ZNF516: variants seen among roughly 807,000 people sequenced by gnomAD.
ZNF516 encodes the protein zinc finger protein 516.
ZNF516 carries 19 observed loss-of-function variants against 79.7 expected under a neutral mutation model. The observed-to-expected ratio is 0.24, with a 90% CI of 0.17 to 0.35. The LOEUF is 0.35. ZNF516 is among the 10% of genes least tolerant of loss of function. The pLI is 1.00. For missense variants in ZNF516, 1,678 were observed against 1,679.5 expected (o/e 1.00, Z 0.02); for synonymous variants, 877 against 739.5 (o/e 1.19, Z -3.02).
In ZNF516 at chr18:76,382,212, A is replaced by AT. The variant is rs1786013940; in HGVS notation, c.1811-1910dup. ...ATGAAGTCAGGTATATGAGTCTGTT[A>AT]TACGCACACAGTGGTATGAGAAAGG... On this transcript the variant is annotated intron_variant, in intron 3 of 6. Coordinates refer to ENST00000443185, the MANE Select transcript of ZNF516 (RefSeq NM_014643.4). Among the ~76,000 whole-genome samples the AT allele has an allele frequency of 2.0e-5, 3 of 152,346 alleles. No individual in the cohort carries two copies. In the South Asian group the frequency reaches 6.2e-4, roughly 32 times the overall value.
chr18:76,429,577 T>C (rs2075636645), intron 3 of ZNF516, among the ~76,000 whole-genome samples: 2 of 152,278 alleles, frequency 1.3e-5, no homozygotes, highest in Middle Eastern at 6.8e-3. Flanking sequence ...TGGGTGACCC[T>C]GGACACCCTG....
chr18:76,359,470 A>G lies in ZNF516; in HGVS notation c.*3028T>C, dbSNP rs2074500081. ...AATTTAAATATTCATTCTTCAAATT[A>G]AGGAATACAAGTGAACAACCTGAAA... is the stretch of plus-strand genomic sequence containing the variant. On this transcript the variant is annotated 3_prime_UTR_variant, in exon 7 of 7. Coordinates refer to ENST00000443185, the MANE Select transcript of ZNF516 (RefSeq NM_014643.4). 1 of 152,258 alleles carries G rather than the reference A, an allele frequency of 6.6e-6. No homozygotes were observed. Among genetic ancestry groups the G allele is most frequent in the East Asian group, 1.9e-4 (1 of 5,198 alleles). The allele number at this position is 152,258 out of a possible 1,614,324, so 9.4% of individuals were successfully genotyped here. A position where few individuals can be genotyped will look rare whatever the true frequency, so the allele number is the denominator to read the frequency against.
chr18:76,468,285 C>T (rs532635392), intron 1 of ZNF516, among the ~76,000 whole-genome samples: 6 of 152,218 alleles, frequency 3.9e-5, no homozygotes, highest in Non-Finnish European at 5.9e-5. Context: ...AACAATCACA[C>T]TCGCTCTCTG....
At chr18:76,431,456 CGA>C (rs2075659961) in intron 3 of ZNF516, among the ~76,000 whole-genome samples, 1 of 152,198 alleles carries the variant, frequency 6.6e-6, no homozygotes, top group Non-Finnish European at 1.5e-5. Flanking sequence ...CTGAAAGCAG[CGA>C]GAGAGGGGCT....
At chr18:76,384,184 C>T (rs962944255) in intron 3 of ZNF516, among the ~76,000 whole-genome samples, 17 of 152,092 alleles carry the variant, frequency 1.1e-4, no homozygotes, top group Non-Finnish European at 1.9e-4. Context: ...AGAAATTAAG[C>T]GCCACCACTG....
chr18:76,364,040 G>A (rs561329604), intron 6 of ZNF516, among the ~76,000 whole-genome samples: 2 of 152,300 alleles, frequency 1.3e-5, no homozygotes, highest in East Asian at 3.9e-4. Context: ...GGCATCAATG[G>A]ACTGTTCCAG....
intron 2 of ZNF516, among the ~76,000 whole-genome samples, chr18:76,444,193 T>C (rs1911903477): frequency 6.6e-6 from 1 of 152,190 alleles, no homozygotes. Context: ...TTAGAAAGGA[T>C]GTGAGAGATG....
intron 4 of ZNF516, among the ~76,000 whole-genome samples, chr18:76,378,584 G>A (rs1246862708): frequency 6.6e-6 from 1 of 152,222 alleles, no homozygotes; most frequent in Admixed American, 6.5e-5. Context: ...TGCAGGGCTT[G>A]CGACCTCCTC....
chr18:76,454,347 C>T (rs1912596223), intron 2 of ZNF516, among the ~76,000 whole-genome samples: 1 of 152,180 alleles, frequency 6.6e-6, no homozygotes, highest in Non-Finnish European at 1.5e-5. Flanking sequence ...AGCTGAAAGG[C>T]GTATTGTGCA....
chr18:76,413,610 T>C (rs190896172), intron 3 of ZNF516, among the ~76,000 whole-genome samples: 8 of 152,322 alleles, frequency 5.3e-5, no homozygotes, highest in African/African-American at 1.9e-4. Context: ...TCCCCTCGAA[T>C]ACCTCAGCAC....
rs557161568 is a variant in ZNF516, at chr18:76,461,904, G to C, written c.-158+1124C>G. 5.8e-4 allele frequency among the ~76,000 whole-genome samples: 88 copies of C among 152,344 alleles called. 1 individual carries two copies. The highest frequency in any genetic ancestry group is 2.0e-3 in the African/African-American group (84 of 41,580). ...TGGGCAGCCTCACCTGGATGGGAAG[G>C]GTGCGGCGTCCAGCCCTGCAGGCGT... is the stretch of plus-strand genomic sequence containing the variant. On this transcript the variant is annotated intron_variant, in intron 2 of 6. Coordinates refer to ENST00000443185, the MANE Select transcript of ZNF516 (RefSeq NM_014643.4).
chr18:76,397,462 C>G (rs1383240659), intron 3 of ZNF516, among the ~76,000 whole-genome samples: 1 of 151,010 alleles, frequency 6.6e-6, no homozygotes, highest in Non-Finnish European at 1.5e-5. Context: ...AATTATACCC[C>G]AAGATGTTTA....
chr18:76,458,668 CCGT>C (rs77025271), intron 2 of ZNF516, among the ~76,000 whole-genome samples: 9,204 of 146,728 alleles, frequency 0.063, 338 homozygotes, highest in East Asian at 0.1. Context: ...GCGTGCCTCA[CCGT>C]CGTGTGTGCG....
At position 76,459,573 on chromosome 18, in the gene ZNF516, C is replaced by A. The variant is rs1188295683; in HGVS notation, c.-158+3455G>T. Among the ~76,000 whole-genome samples, 1 of 152,212 alleles carries A rather than the reference C, an allele frequency of 6.6e-6. No homozygotes were observed. Among genetic ancestry groups the A allele is most frequent in the Non-Finnish European group, 1.5e-5 (1 of 68,032 alleles). ...CGGAATGTATTCCAGCACTGTCTGC[C>A]ATGATGCCAACAGCAACACTTCTCA... is the stretch of plus-strand genomic sequence containing the variant. On this transcript the variant is annotated intron_variant, in intron 2 of 6. Transcript: ENST00000443185. This position sits in a 1 kb window ranked among gnomAD's most constrained non-coding sequence, Gnocchi z 5.0.
chr18:76,397,670 T>C (rs2075165456), intron 3 of ZNF516, among the ~76,000 whole-genome samples: 1 of 152,220 alleles, frequency 6.6e-6, no homozygotes, highest in African/African-American at 2.4e-5. Context: ...CAATCACAGC[T>C]CACTGCAGCC....
intron 3 of ZNF516, among the ~76,000 whole-genome samples, chr18:76,392,299 A>G (rs1568253651): frequency 6.6e-6 from 1 of 152,240 alleles, no homozygotes; most frequent in Admixed American, 6.5e-5. Context: ...AGTGTCACTA[A>G]TAACAGGTTA....
At chr18:76,477,247 A>G (rs1172829181) in intron 1 of ZNF516, among the ~76,000 whole-genome samples, 1 of 152,184 alleles carries the variant, frequency 6.6e-6, no homozygotes, top group Non-Finnish European at 1.5e-5. Flanking sequence ...CAGACAGGAA[A>G]CAGAATTCTA....
chr18:76,428,653 C>A (rs945899324), intron 3 of ZNF516, among the ~76,000 whole-genome samples: 1 of 152,150 alleles, frequency 6.6e-6, no homozygotes, highest in Non-Finnish European at 1.5e-5. Flanking sequence ...ACATCAAATG[C>A]GCTTACTACG....
At chr18:76,496,278 G>C (rs975637295), upstream of ZNF516, 5 of 1,287,762 alleles carry the variant, frequency 3.9e-6, no homozygotes, top group African/African-American at 7.6e-5. Context: ...TCTCCCACCA[G>C]GCTCCTGGCC....
Sources: allele counts gnomAD v4.1 joint callset (sites outside exome capture counted in the v4.1 genomes callset), GRCh38; gene constraint gnomAD v4.1.1; non-coding constraint Gnocchi (gnomAD v3.1); transcripts MANE v1.5; gene names NCBI Gene and HGNC (gene_info 2026-07-23, HGNC 2026-07-21).